HOXA3: variants seen among roughly 807,000 people sequenced by gnomAD.
HOXA3 encodes homeobox A3.
HOXA3 carries 8 observed loss-of-function variants against 30.3 expected under a neutral mutation model. The ratio of observed to expected loss-of-function variants is 0.26; its 90% CI spans 0.15 to 0.48. HOXA3 has a LOEUF of 0.48. Among genes scored for constraint, HOXA3 ranks in the 20% least tolerant of loss-of-function variants. The pLI is 0.99. For missense variants in HOXA3, 653 were observed against 614.4 expected, an observed-to-expected ratio of 1.06 and a Z score of -0.66; for synonymous variants, 323 against 273.1, an observed-to-expected ratio of 1.18 and a Z score of -1.80.
At chr7:27,130,248 G>T in intron 2 of HOXA3, 1 of 1,260,426 alleles carries the variant, frequency 7.9e-7, no homozygotes, top group East Asian at 3.5e-5. Context: ...CGCCTGGGGT[G>T]GCGGGGGCCG....
At chr7:27,125,837 G>A (rs1478665531) in intron 3 of HOXA3, among the ~76,000 whole-genome samples, 2 of 152,204 alleles carry the variant, frequency 1.3e-5, no homozygotes, top group Non-Finnish European at 2.9e-5. Context: ...CTGCTAGAGG[G>A]AAGGCAACAG....
rs139795399 is a variant in HOXA3 at position 27,147,349 on chromosome 7, C to A, written c.-494+4939G>T. ...CCGCTGCATCCAAGGGTAAACCGGG[C>A]TCGTGTACTTCCGGTCGGCGCCTTC... On this transcript the variant is annotated intron_variant, in intron 1 of 5. Transcript: ENST00000612286. 4.3e-6 allele frequency: 7 copies of A among 1,614,082 alleles called. No individual in the cohort carries two copies. The South Asian group carries it at 4.4e-5, about 10-fold the overall frequency.
chr7:27,148,433 A>G (rs775592233), intron 1 of HOXA3, among the ~76,000 whole-genome samples: 8 of 152,250 alleles, frequency 5.3e-5, no homozygotes, highest in Non-Finnish European at 1.2e-4. Context: ...CTTCTCCGCT[A>G]GCACCAGGGG....
In HOXA3 at chr7:27,152,484, G is replaced by GGCC. The variant is rs1783010463; in HGVS notation, c.-691_-690insGGC. On this transcript the variant is annotated 5_prime_UTR_variant, in exon 1 of 6. Transcript: ENST00000612286. ...GGGAGCCGCCAGGCCTGGCCTGGCC[G>GGCC]GGGCTTCCCTTCGCTCGCCATCTCC... The GGCC allele has an allele frequency of 3.6e-5, 35 of 985,882 alleles. No homozygotes were observed. The highest frequency in any genetic ancestry group is 4.5e-5 in the Non-Finnish European group (35 of 774,378). 61.1% of individuals were successfully genotyped at this position (985,882 alleles called of 1,614,324 possible). A position where few individuals can be genotyped will look rare whatever the true frequency, so the allele number is the denominator to read the frequency against.
At chr7:27,136,435 A>G (rs1470797159) in intron 2 of HOXA3, among the ~76,000 whole-genome samples, 2 of 152,230 alleles carry the variant, frequency 1.3e-5, no homozygotes, top group African/African-American at 2.4e-5. Flanking sequence ...CAAAAAGTGA[A>G]AGAAAAGAGA....
At chr7:27,147,813 T>G in intron 1 of HOXA3, 1 of 1,408,018 alleles carries the variant, frequency 7.1e-7, no homozygotes. Context: ...TAACTATTAG[T>G]AGTCATCGAA....
Position 27,152,567 on chromosome 7 carries a change from G to A in HOXA3, c.-773C>T, listed in dbSNP as rs1047439510. ...AGAGCTCCGAAGCAGGCAGGACGGA[G>A]CGGAGCAAAAGAATGCGGCTCTATT... On this transcript the variant is annotated 5_prime_UTR_variant, in exon 1 of 6. Transcript: ENST00000612286. The A allele has an allele frequency of 1.2e-5, 14 of 1,190,634 alleles. No individual in the cohort carries two copies. The East Asian group carries it at 4.7e-4, about 40-fold the overall frequency. 73.8% of individuals were successfully genotyped at this position (1,190,634 alleles called of 1,614,324 possible). A position where few individuals can be genotyped will look rare whatever the true frequency, so the allele number is the denominator to read the frequency against.
At position 27,110,229 on chromosome 7, in the gene HOXA3, C is replaced by G. The variant is rs772220854; in HGVS notation, c.412G>C (p.Ala138Pro). 4 of 1,611,696 alleles carry G rather than the reference C, an allele frequency of 2.5e-6. No homozygotes were observed. The South Asian group carries it at 3.3e-5, about 13-fold the overall frequency. ...PQNASNNPTP[A>P]NAAKSPLLNS... Reference sequence around the variant, plus strand: ...AGCAGGGGGCTCTTGGCCGCGTTGGCAGGGGTAGGGTTGTTGCTGGCATTC... The same window carrying G: ...AGCAGGGGGCTCTTGGCCGCGTTGGGAGGGGTAGGGTTGTTGCTGGCATTC... The change falls in exon 5 of 6, where the codon GCC becomes CCC. Residue 138 changes from alanine (A) to proline (P), a missense_variant. Physicochemically the swap from Ala to Pro is conservative, Grantham distance 27. Around this residue, in one of 3 missense-constraint regions of HOXA3, gnomAD observed 320 missense variants for 321.9 expected, o/e 0.99. Coordinates refer to ENST00000612286, the MANE Select transcript of HOXA3 (RefSeq NM_153631.3).
intron 4 of HOXA3, among the ~76,000 whole-genome samples, chr7:27,118,347 G>A (rs920042746): frequency 6.6e-6 from 1 of 152,236 alleles, no homozygotes; most frequent in Non-Finnish European, 1.5e-5. Flanking sequence ...AATCACAGGC[G>A]AAGCCTGTCT....
At chr7:27,145,905 C>T in intron 1 of HOXA3, 1 of 1,612,920 alleles carries the variant, frequency 6.2e-7, no homozygotes, top group Non-Finnish European at 8.5e-7. Context: ...CCCATGGCTC[C>T]CATACACAGC....
At chr7:27,133,596 C>T (rs1443690540) in intron 2 of HOXA3, among the ~76,000 whole-genome samples, 2 of 152,110 alleles carry the variant, frequency 1.3e-5, no homozygotes, top group African/African-American at 4.8e-5. Flanking sequence ...TCTTAAAATC[C>T]CATTAGGTGA....
intron 2 of HOXA3, among the ~76,000 whole-genome samples, chr7:27,127,823 C>T (rs891382910): frequency 1.3e-5 from 2 of 152,210 alleles, no homozygotes; most frequent in African/African-American, 4.8e-5. Context: ...CCCAGGTCTA[C>T]TTTGCATGGG....
chr7:27,149,733 CTCGAG>C (rs1204334829), intron 1 of HOXA3, among the ~76,000 whole-genome samples: 1 of 152,182 alleles, frequency 6.6e-6, no homozygotes, highest in Non-Finnish European at 1.5e-5. Context: ...AAAATGAAAA[CTCGAG>C]TCAAAAAATT....
rs775857999 is a variant in HOXA3 at position 27,152,501 on chromosome 7, G to T, written c.-707C>A. ...GCCTGGCCGGGGCTTCCCTTCGCTC[G>T]CCATCTCCGGACAAAGCACAGCCGA... On this transcript the variant is annotated 5_prime_UTR_variant, in exon 1 of 6. Coordinates refer to ENST00000612286, the MANE Select transcript of HOXA3 (RefSeq NM_153631.3). The T allele has an allele frequency of 1.1e-5, 13 of 1,165,246 alleles. No individual in the cohort carries two copies. Among genetic ancestry groups the T allele is most frequent in the Non-Finnish European group, 1.4e-5 (13 of 929,976 alleles). The allele number at this position is 1,165,246 out of a possible 1,614,324, so 72.2% of individuals were successfully genotyped here.
At chr7:27,119,312 A>T (rs1380117670) in intron 4 of HOXA3, among the ~76,000 whole-genome samples, 2 of 151,974 alleles carry the variant, frequency 1.3e-5, no homozygotes, top group African/African-American at 4.8e-5. Context: ...CCACCCCCAC[A>T]CAAGTTCCTA....
intron 1 of HOXA3, chr7:27,147,393 C>T: frequency 6.2e-7 from 1 of 1,614,228 alleles, no homozygotes; most frequent in Non-Finnish European, 8.5e-7. Flanking sequence ...GTGCTTTGCC[C>T]TGCCCGCTGC....
intron 1 of HOXA3, chr7:27,151,438 C>T (rs1280180188): frequency 5.7e-6 from 2 of 350,838 alleles, no homozygotes; most frequent in South Asian, 4.1e-5. Context: ...GTCCCCCTAT[C>T]GCCCAGACTC....
intron 5 of HOXA3, 139 bp downstream of exon 5, chr7:27,109,976 C>T: frequency 9.2e-7 from 1 of 1,083,186 alleles, no homozygotes; most frequent in Non-Finnish European, 1.3e-6. Context: ...CTATGAAAAC[C>T]TTTTTGGTGG....
rs557164565 is a variant in HOXA3 at position 27,141,866 on chromosome 7, A to G, written c.-493-1680T>C. ...ACGGAAGGCCCCTCCTGCCGCGGCC[A>G]TGCTCATGCTTTTCAGCTTATTATC... On this transcript the variant is annotated intron_variant, in intron 1 of 5. Coordinates refer to ENST00000612286, the MANE Select transcript of HOXA3 (RefSeq NM_153631.3). The G allele has an allele frequency of 1.8e-5, 29 of 1,614,212 alleles. No individual in the cohort carries two copies. In the South Asian group the frequency reaches 2.5e-4, roughly 14 times the overall value.
Sources: allele counts gnomAD v4.1 joint callset (sites outside exome capture counted in the v4.1 genomes callset), GRCh38; gene constraint gnomAD v4.1.1; regional missense constraint gnomAD v4.1.1; transcripts MANE v1.5; gene names NCBI Gene and HGNC (gene_info 2026-07-23, HGNC 2026-07-21).